SDHA: variants seen among roughly 807,000 people sequenced by gnomAD.
The protein encoded by SDHA is succinate dehydrogenase complex flavoprotein subunit A, also known as succinate dehydrogenase [ubiquinone] flavoprotein subunit, mitochondrial.
In SDHA, 48 loss-of-function variants were observed where a neutral mutation model predicts 78.4. That is an observed-to-expected ratio of 0.61 (90% CI 0.49 to 0.78). The LOEUF (loss-of-function observed/expected upper bound fraction) is 0.78. Ranked by LOEUF, SDHA falls within the 30% of genes least tolerant of loss-of-function variation. The pLI, the probability that SDHA is intolerant of heterozygous loss-of-function variation, is 0.00. For missense variants in SDHA, 680 were observed against 892.7 expected, an observed-to-expected ratio of 0.76 and a Z score of 3.04; for synonymous variants, 326 against 353.9, an observed-to-expected ratio of 0.92 and a Z score of 0.88.
intron 6 of SDHA, among the ~76,000 whole-genome samples, chr5:229,064 G>C (rs1291980946): frequency 6.6e-6 from 1 of 152,176 alleles, no homozygotes; most frequent in African/African-American, 2.4e-5. Flanking sequence ...ACCCCAATGA[G>C]ATATCATCTC....
the SDHA span, among the ~76,000 whole-genome samples, chr5:264,989 C>T: frequency 1.3e-5 from 2 of 152,204 alleles, no homozygotes; most frequent in African/African-American, 4.8e-5. Context: ...GGACAGATCA[C>T]CTGAGGCCAG....
intron 11 of SDHA, among the ~76,000 whole-genome samples, chr5:247,384 C>T (rs1244849339): frequency 6.6e-6 from 1 of 152,206 alleles, no homozygotes. Context: ...ACACCTCTTC[C>T]AGGACCTTTG....
rs554361096 is a variant in SDHA, at chr5:224,796, G to A, written c.312+275G>A. The A allele has an allele frequency of 3.2e-4, 154 of 474,400 alleles. No individual in the cohort carries two copies. In the African/African-American group the frequency reaches 3.4e-3, roughly 10 times the overall value. The allele number at this position is 474,400 out of a possible 1,614,324, so 29.4% of individuals were successfully genotyped here. On this transcript the variant is annotated intron_variant, in intron 3 of 14. Transcript: ENST00000264932. ...CCTACTACCTTCCCCACCTACCCCC[G>A]CCACCCCAACACCTTAAGAAAAGGA...
intron 1 of SDHA, among the ~76,000 whole-genome samples, chr5:219,947 A>C (rs1734619777): frequency 6.6e-6 from 1 of 152,260 alleles, no homozygotes; most frequent in African/African-American, 2.4e-5. Context: ...TTCTGCCTGC[A>C]AGCAGCATAT....
the SDHA span, among the ~76,000 whole-genome samples, chr5:263,851 A>ACT: frequency 0.24 from 36,518 of 152,024 alleles, 6,829 homozygotes; most frequent in African/African-American, 0.53. Context: ...GCAATTCTAG[A>ACT]CTGCCTCAAA....
At chr5:235,103 T>A in intron 8 of SDHA, 41 bp from the exon 9 acceptor site, 3 of 1,591,128 alleles carry the variant, frequency 1.9e-6, no homozygotes, top group Middle Eastern at 1.7e-4. Context: ...CTCCTGCCGT[T>A]GCCGTTCTCT....
the SDHA span, among the ~76,000 whole-genome samples, chr5:264,290 A>C: frequency 6.6e-6 from 1 of 152,240 alleles, no homozygotes; most frequent in African/African-American, 2.4e-5. Flanking sequence ...TCTGAAATGA[A>C]TGAATCTAAA....
intron 11 of SDHA, among the ~76,000 whole-genome samples, chr5:244,724 T>C (rs1736345317): frequency 6.6e-6 from 1 of 152,198 alleles, no homozygotes; most frequent in South Asian, 2.1e-4. Context: ...CTGAAGTATA[T>C]CAAAGTAGTT....
In SDHA at chr5:249,052, A is replaced by G. The variant is rs575770657; in HGVS notation, c.1552-1940A>G. 3.6e-3 allele frequency: 1,483 copies of G among 410,140 alleles called. 11 individuals carry two copies. The highest frequency in any genetic ancestry group is 7.7e-3 in the South Asian group (436 of 56,948). 25.4% of individuals were successfully genotyped at this position (410,140 alleles called of 1,614,324 possible). On this transcript the variant is annotated intron_variant, in intron 11 of 14. Coordinates refer to ENST00000264932, the MANE Select transcript of SDHA (RefSeq NM_004168.4). ...TACAAACTTGTCTTTGGATATTGCA[A>G]AATTGAAAGAACAGATATTTGAAGC...
chr5:224,376 C>T lies in SDHA; in HGVS notation c.167C>T (p.Pro56Leu). ...CTTTTCCAGATTTCTGCTCAGTATCCAGTAGTGGATCATGAATTTGATGCA... is the reference window on the plus strand; with the variant it reads ...CTTTTCCAGATTTCTGCTCAGTATCTAGTAGTGGATCATGAATTTGATGCA... The part of the protein sequence containing the change: ...KVSDSISAQY[P>L]VVDHEFDAVV... Residue 56 changes from proline (P) to leucine (L), a missense_variant, in exon 3 of 15, where the codon CCA becomes CTA. Pro to Leu is a moderately conservative substitution (Grantham distance 98). Transcript: ENST00000264932. The T allele has an allele frequency of 6.2e-7, 1 of 1,613,424 alleles. No individual in the cohort carries two copies. Among genetic ancestry groups the T allele is most frequent in the East Asian group, 2.2e-5 (1 of 44,890 alleles).
At chr5:225,287 G>A in intron 3 of SDHA, 132 bp from the exon 4 acceptor site, 1 of 1,148,630 alleles carries the variant, frequency 8.7e-7, no homozygotes. Flanking sequence ...CCTCTGCTGA[G>A]GTCAGCCCTC....
intron 11 of SDHA, among the ~76,000 whole-genome samples, chr5:240,761 A>C (rs1736089116): frequency 6.6e-6 from 1 of 151,888 alleles, no homozygotes; most frequent in Non-Finnish European, 1.5e-5. Flanking sequence ...TTCCACTTCC[A>C]AGTGAGAATG....
intron 8 of SDHA, chr5:234,440 AAAAAC>A (rs1307994958): frequency 3.5e-5 from 5 of 141,482 alleles, no homozygotes; most frequent in Admixed American, 7.2e-5. Flanking sequence ...AAAAAAAAAA[AAAAAC>A]AGAGAAGTCA....
At chr5:266,209 C>T in the SDHA span, among the ~76,000 whole-genome samples, 7 of 152,354 alleles carry the variant, frequency 4.6e-5, no homozygotes, top group Admixed American at 4.6e-4. Flanking sequence ...GCAGCTTCAT[C>T]CCAACCAGTA....
In SDHA at chr5:224,680, G is replaced by A. The variant is rs1734909315; in HGVS notation, c.312+159G>A. The A allele has an allele frequency of 3.1e-5, 23 of 738,432 alleles. No individual in the cohort carries two copies. In the East Asian group the frequency reaches 5.3e-4, roughly 17 times the overall value. 45.7% of individuals were successfully genotyped at this position (738,432 alleles called of 1,614,324 possible). Reference sequence around the variant, plus strand: ...ACCCTCTCAGGGGTCTCTCCCTGGAGCCTCTTCCCTGGGGACTTTGAAGGG... The same window carrying A: ...ACCCTCTCAGGGGTCTCTCCCTGGAACCTCTTCCCTGGGGACTTTGAAGGG... On this transcript the variant is annotated intron_variant, in intron 3 of 14. Transcript: ENST00000264932.
chr5:254,667 C>T (rs993726778), intron 14 of SDHA, among the ~76,000 whole-genome samples, 161 bp downstream of exon 14: 3 of 152,288 alleles, frequency 2.0e-5, no homozygotes, highest in Admixed American at 6.5e-5. Context: ...CGACAGCAGT[C>T]GGGCTTCGGG....
Position 240,477 on chromosome 5 carries a change from G to T in SDHA, c.1551+1G>T. On this transcript the variant is annotated splice_donor_variant, in intron 11 of 14. Transcript: ENST00000264932. LOFTEE classifies it high-confidence loss of function. ...GGAACTGCGACTCAGCATGCAGAAG[G>T]TAAGAGCCTGGACTCGCTCTGGAGT... The T allele has an allele frequency of 6.3e-7, 1 of 1,586,844 alleles. No homozygotes were observed. Among genetic ancestry groups the T allele is most frequent in the Non-Finnish European group, 8.6e-7 (1 of 1,157,162 alleles).
At chr5:251,303 C>A (rs1736808532) in intron 12 of SDHA, 35 bp from the exon 13 acceptor site, 1 of 1,604,754 alleles carries the variant, frequency 6.2e-7, no homozygotes, top group South Asian at 1.1e-5. Flanking sequence ...TGACTGGGTC[C>A]CGCCTGCCCC....
chr5:224,213 T>C, intron 2 of SDHA, 147 bp from the exon 3 acceptor site: 1 of 875,936 alleles, frequency 1.1e-6, no homozygotes, highest in South Asian at 1.3e-5. Flanking sequence ...CCCCGAACTG[T>C]TCAGGGCTCA....
Sources: gnomAD v4.1 joint callset for allele counts (sites outside exome capture counted in the v4.1 genomes callset) on GRCh38, gnomAD v4.1.1 for gene constraint, MANE v1.5 for transcripts, NCBI Gene and HGNC (gene_info 2026-07-23, HGNC 2026-07-21) for gene names.